The following MAGI1 variants were observed in gnomAD, a reference collection of about 807,000 sequenced individuals.
MAGI1 encodes the protein membrane-associated guanylate kinase, WW and PDZ domain-containing protein 1.
Under a neutral mutation model 139.9 loss-of-function variants are expected in MAGI1, and 58 were observed. That is an observed-to-expected ratio of 0.41 (90% CI 0.34 to 0.52). The LOEUF is 0.52. MAGI1 is among the 20% of genes least tolerant of loss of function. The pLI is 0.12. For missense variants in MAGI1, 1,874 were observed against 1,901.6 expected (o/e 0.99, Z 0.27); for synonymous variants, 812 against 737.9 (o/e 1.10, Z -1.63).
intron 1 of MAGI1, chr3:65,874,374 C>G (rs1347670720): frequency 6.6e-6 from 1 of 152,188 alleles, no homozygotes; most frequent in African/African-American, 2.4e-5. Flanking sequence ...AATCACACAT[C>G]TGATAAAGGA....
In MAGI1 at chr3:65,967,804, C is replaced by T. The variant is rs72908960; in HGVS notation, c.313+70192G>A. Among the ~76,000 whole-genome samples the T allele has an allele frequency of 7.3e-3, 1,106 of 152,278 alleles. 35 individuals are homozygous for T. The East Asian group carries it at 0.099, about 14-fold the overall frequency. On this transcript the variant is annotated intron_variant, in intron 1 of 22. Transcript: ENST00000402939. Reference sequence around the variant, plus strand: ...ACTTCTCAGGCTCTATAGATGAGTACCAGCTCTTGAAGACCTCCCAGGGGA... The same window carrying T: ...ACTTCTCAGGCTCTATAGATGAGTATCAGCTCTTGAAGACCTCCCAGGGGA...
At chr3:65,925,580 C>T (rs879532778) in intron 1 of MAGI1, among the ~76,000 whole-genome samples, 7 of 152,192 alleles carry the variant, frequency 4.6e-5, no homozygotes, top group Non-Finnish European at 1.0e-4. Context: ...ACTAAATACT[C>T]CTTTAACAAT....
intron 1 of MAGI1, among the ~76,000 whole-genome samples, chr3:65,981,620 C>G (rs1345770050): frequency 6.6e-6 from 1 of 152,142 alleles, no homozygotes; most frequent in African/African-American, 2.4e-5. Flanking sequence ...TTGTAGCTCC[C>G]ATAATTCCCA....
intron 1 of MAGI1, among the ~76,000 whole-genome samples, chr3:65,783,770 T>C (rs1444472968): frequency 1.4e-5 from 2 of 140,340 alleles, no homozygotes; most frequent in Non-Finnish European, 3.0e-5. Context: ...AGTGCTGAGA[T>C]TACAGGTGTG....
intron 1 of MAGI1, among the ~76,000 whole-genome samples, chr3:65,780,145 T>C (rs1238498286): frequency 1.3e-5 from 2 of 152,060 alleles, no homozygotes; most frequent in Admixed American, 6.6e-5. Context: ...ACCTCAGCCT[T>C]CTAAGTAGCT....
At chr3:65,926,246 A>C (rs1271533951) in intron 1 of MAGI1, among the ~76,000 whole-genome samples, 1 of 152,140 alleles carries the variant, frequency 6.6e-6, no homozygotes, top group Non-Finnish European at 1.5e-5. Context: ...TAGTCTGAAA[A>C]ATAAATACAA....
At chr3:65,623,321 C>G (rs1170567904) in intron 1 of MAGI1, among the ~76,000 whole-genome samples, 3 of 152,038 alleles carry the variant, frequency 2.0e-5, no homozygotes, top group Non-Finnish European at 4.4e-5. Context: ...CTTTGCAATT[C>G]TCTACACTTA....
At chr3:65,637,144 C>T (rs997632460) in intron 1 of MAGI1, among the ~76,000 whole-genome samples, 3 of 152,160 alleles carry the variant, frequency 2.0e-5, no homozygotes, top group African/African-American at 7.2e-5. Flanking sequence ...ACAGTCCCAC[C>T]CAGGGGTTGG....
chr3:65,434,763 A>C (rs2107371569), intron 10 of MAGI1, among the ~76,000 whole-genome samples: 1 of 152,340 alleles, frequency 6.6e-6, no homozygotes, highest in Non-Finnish European at 1.5e-5. Flanking sequence ...CTTTGGTATC[A>C]GTTATATTCC....
chr3:65,479,108 T>C (rs1951082193), intron 3 of MAGI1, among the ~76,000 whole-genome samples: 1 of 152,194 alleles, frequency 6.6e-6, no homozygotes, highest in South Asian at 2.1e-4. Context: ...ATTGGTCATC[T>C]TTTTACATAT....
At chr3:65,557,998 C>T (rs1402901633) in intron 2 of MAGI1, among the ~76,000 whole-genome samples, 1 of 152,134 alleles carries the variant, frequency 6.6e-6, no homozygotes, top group Non-Finnish European at 1.5e-5. Flanking sequence ...CTTCTACCCA[C>T]GAGTCAATTA....
chr3:65,975,535 C>G (rs1230893795), intron 1 of MAGI1, among the ~76,000 whole-genome samples: 7 of 151,942 alleles, frequency 4.6e-5, no homozygotes, highest in African/African-American at 1.5e-4. Context: ...GTGGGCGGAT[C>G]GTTCGAGCCT....
At chr3:65,856,283 G>A (rs2059376561) in intron 1 of MAGI1, among the ~76,000 whole-genome samples, 1 of 150,964 alleles carries the variant, frequency 6.6e-6, no homozygotes, top group Non-Finnish European at 1.5e-5. Flanking sequence ...CAGAAGAGTA[G>A]AATGCAGGTT....
chr3:65,464,137 TTTTC>T (rs1026706495), intron 5 of MAGI1, among the ~76,000 whole-genome samples: 1 of 152,190 alleles, frequency 6.6e-6, no homozygotes, highest in African/African-American at 2.4e-5. Flanking sequence ...GCTCTCATTT[TTTTC>T]TTTGTCAATC....
intron 1 of MAGI1, among the ~76,000 whole-genome samples, chr3:65,895,671 T>C (rs928453095): frequency 6.6e-6 from 1 of 152,204 alleles, no homozygotes; most frequent in African/African-American, 2.4e-5. Flanking sequence ...TGCACAGTAA[T>C]GGCTAAAATC....
intron 1 of MAGI1, among the ~76,000 whole-genome samples, chr3:65,878,578 AATT>A (rs2060209166): frequency 6.6e-6 from 1 of 152,184 alleles, no homozygotes; most frequent in African/African-American, 2.4e-5. Context: ...AGAAAAAATA[AATT>A]ATTATTCTCT....
intron 1 of MAGI1, among the ~76,000 whole-genome samples, chr3:65,748,109 C>T (rs1231128110): frequency 1.3e-5 from 2 of 152,202 alleles, no homozygotes; most frequent in African/African-American, 4.8e-5. Context: ...CTAAGAGTCT[C>T]AGAGGCAGTC....
At chr3:65,845,315 T>C (rs529942919) in intron 1 of MAGI1, among the ~76,000 whole-genome samples, 3 of 151,914 alleles carry the variant, frequency 2.0e-5, no homozygotes, top group Non-Finnish European at 4.4e-5. Flanking sequence ...CTTGGGCACA[T>C]AGAGTGTCGT....
At chr3:65,479,336 T>C (rs1255663666) in intron 3 of MAGI1, among the ~76,000 whole-genome samples, 1 of 152,088 alleles carries the variant, frequency 6.6e-6, no homozygotes, top group African/African-American at 2.4e-5. Flanking sequence ...CTCAGAGTCA[T>C]GCGGGGTAGG....
Sources: allele counts gnomAD v4.1 joint callset (sites outside exome capture counted in the v4.1 genomes callset), GRCh38; gene constraint gnomAD v4.1.1; transcripts MANE v1.5; gene names NCBI Gene and HGNC (gene_info 2026-07-23, HGNC 2026-07-21).